Variants in IL1RAPL1 observed in about 807,000 individuals in gnomAD.
The protein encoded by IL1RAPL1 is interleukin-1 receptor accessory protein-like 1.
A neutral mutation model predicts 48.4 loss-of-function variants in IL1RAPL1; 3 were observed. The ratio of observed to expected loss-of-function variants is 0.06; its 90% confidence interval spans 0.03 to 0.16. IL1RAPL1 has a LOEUF of 0.16. Among genes scored for constraint, IL1RAPL1 ranks in the 10% least tolerant of loss-of-function variants. The pLI is 1.00. For synonymous variants in IL1RAPL1, 185 were observed against 187.7 expected (o/e 0.99, Z 0.12); for missense variants, 349 against 530.6 (o/e 0.66, Z 3.36).
At position 29,398,947 on chromosome X, in the gene IL1RAPL1, T is replaced by C. The variant is rs189167213; in HGVS notation, c.550-208T>C. 3.6e-5 allele frequency among the ~76,000 whole-genome samples: 4 copies of C among 112,435 alleles called. No individual in the cohort carries two copies. In the East Asian group the frequency reaches 8.3e-4, roughly 23 times the overall value. On this transcript the variant is annotated intron_variant, in intron 4 of 10. Transcript: ENST00000378993. ...AAGTATTCATTGGTTCAAAAATGTATAATGACCAGTGCAACTTGCCATATT... is the reference window on the plus strand; with the variant it reads ...AAGTATTCATTGGTTCAAAAATGTACAATGACCAGTGCAACTTGCCATATT...
intron 2 of IL1RAPL1, among the ~76,000 whole-genome samples, chrX:29,113,619 T>G (rs1412117348): frequency 8.9e-6 from 1 of 111,938 alleles, no homozygotes; most frequent in Non-Finnish European, 1.9e-5. Context: ...GTTGGATTTA[T>G]TCCTAGAGAT....
chrX:29,678,143 G>T (rs1926335921), intron 6 of IL1RAPL1, among the ~76,000 whole-genome samples: 1 of 110,179 alleles, frequency 9.1e-6, no homozygotes. Flanking sequence ...AAATATAAAA[G>T]TATGTACAAT....
At chrX:29,908,485 T>G (rs2147232118) in intron 6 of IL1RAPL1, among the ~76,000 whole-genome samples, 1 of 110,477 alleles carries the variant, frequency 9.1e-6, no homozygotes, top group South Asian at 3.8e-4. Context: ...TTTGAGTTTC[T>G]TAAGGGTATT....
At chrX:29,513,293 T>G (rs779725656) in intron 5 of IL1RAPL1, among the ~76,000 whole-genome samples, 1 of 111,695 alleles carries the variant, frequency 9.0e-6, no homozygotes, top group South Asian at 3.7e-4. Context: ...TTGCAAAATT[T>G]TGATTATCAC....
At chrX:29,116,230 G>A (rs1032887243) in intron 2 of IL1RAPL1, among the ~76,000 whole-genome samples, 3 of 110,725 alleles carry the variant, frequency 2.7e-5, no homozygotes, top group East Asian at 2.8e-4. Context: ...AGCAAGGGGG[G>A]GATTATGGAC....
chrX:29,511,033 C>T (rs1935388711), intron 5 of IL1RAPL1, among the ~76,000 whole-genome samples: 1 of 111,455 alleles, frequency 9.0e-6, no homozygotes, highest in African/African-American at 3.3e-5. Flanking sequence ...GATCTCTACC[C>T]ATGGATATTA....
intron 5 of IL1RAPL1, among the ~76,000 whole-genome samples, chrX:29,555,602 A>C (rs6526880): frequency 0.45 from 50,019 of 110,532 alleles, 9,087 homozygotes; most frequent in East Asian, 0.71. Context: ...TAGCCCTTAT[A>C]ACACTGAAAC....
At chrX:29,126,008 T>A (rs1928892350) in intron 2 of IL1RAPL1, among the ~76,000 whole-genome samples, 1 of 110,229 alleles carries the variant, frequency 9.1e-6, no homozygotes, top group Non-Finnish European at 1.9e-5. Context: ...ATTGCATTTA[T>A]GTCTTGGTGG....
intron 1 of IL1RAPL1, among the ~76,000 whole-genome samples, chrX:28,765,719 T>C (rs1314087917): frequency 8.9e-6 from 1 of 112,224 alleles, no homozygotes; most frequent in Non-Finnish European, 1.9e-5. Flanking sequence ...AGATAAAGTA[T>C]TGATAATTTC....
intron 2 of IL1RAPL1, among the ~76,000 whole-genome samples, chrX:29,226,965 T>C (rs984681300): frequency 9.6e-6 from 1 of 104,280 alleles, no homozygotes; most frequent in Admixed American, 1.0e-4. Flanking sequence ...TATAAACTAA[T>C]ATTCCTAATT....
At chrX:29,088,345 G>A (rs2147453750) in intron 2 of IL1RAPL1, among the ~76,000 whole-genome samples, 1 of 111,719 alleles carries the variant, frequency 9.0e-6, no homozygotes, top group Non-Finnish European at 1.9e-5. Context: ...GGAAGAAAAT[G>A]CTGACATTTA....
At chrX:29,400,213 C>G (rs1933976369) in intron 5 of IL1RAPL1, among the ~76,000 whole-genome samples, 1 of 111,815 alleles carries the variant, frequency 8.9e-6, no homozygotes, top group South Asian at 3.7e-4. Flanking sequence ...ACTCACTAGT[C>G]ACATAGGTTG....
At chrX:29,243,635 T>G (rs1469129577) in intron 2 of IL1RAPL1, among the ~76,000 whole-genome samples, 3 of 112,084 alleles carry the variant, frequency 2.7e-5, no homozygotes, top group Non-Finnish European at 5.6e-5. Flanking sequence ...TTTCTAAACT[T>G]GTGATTCTAA....
chrX:29,266,012 T>C (rs954542562), intron 2 of IL1RAPL1, among the ~76,000 whole-genome samples: 2 of 111,149 alleles, frequency 1.8e-5, no homozygotes, highest in Non-Finnish European at 3.8e-5. Context: ...TTTTACACTG[T>C]TGGTGGGACT....
chrX:29,222,856 A>T, intron 2 of IL1RAPL1, among the ~76,000 whole-genome samples: 1 of 111,536 alleles, frequency 9.0e-6, no homozygotes, highest in African/African-American at 3.3e-5. Context: ...CTGAAAATCC[A>T]TTATATGTGT....
intron 5 of IL1RAPL1, among the ~76,000 whole-genome samples, chrX:29,545,523 C>T (rs1284679662): frequency 9.0e-6 from 1 of 111,488 alleles, no homozygotes; most frequent in African/African-American, 3.3e-5. Context: ...TCCTCTTCCC[C>T]ACAGTAAATA....
intron 1 of IL1RAPL1, among the ~76,000 whole-genome samples, chrX:28,612,436 G>A (rs908032598): frequency 3.3e-4 from 37 of 111,931 alleles, no homozygotes; most frequent in Non-Finnish European, 1.9e-4. Flanking sequence ...ATAGTGTTCT[G>A]AAAGATAAAG....
At chrX:29,609,082 G>T (rs185204844) in intron 5 of IL1RAPL1, among the ~76,000 whole-genome samples, 1 of 111,719 alleles carries the variant, frequency 9.0e-6, no homozygotes, top group East Asian at 2.8e-4. Context: ...ATCATGGTTT[G>T]GATGGTTTAA....
intron 2 of IL1RAPL1, among the ~76,000 whole-genome samples, chrX:29,161,476 T>C (rs1305455596): frequency 8.9e-6 from 1 of 112,152 alleles, no homozygotes; most frequent in East Asian, 2.8e-4. Flanking sequence ...TACTGCTGAG[T>C]TGAAATAACG....
Sources: allele counts gnomAD v4.1 joint callset (sites outside exome capture counted in the v4.1 genomes callset), GRCh38; gene constraint gnomAD v4.1.1; transcripts MANE v1.5; gene names NCBI Gene and HGNC (gene_info 2026-07-23, HGNC 2026-07-21).